The following SLC14A2 variants were observed in gnomAD, a reference collection of about 807,000 sequenced individuals.
The protein encoded by SLC14A2 is urea transporter 2.
In SLC14A2, 91 loss-of-function variants were observed where a neutral mutation model predicts 104.6. The observed-to-expected ratio is 0.87, with a 90% CI of 0.73 to 1.04. The LOEUF is 1.04. SLC14A2 is among the 50% of genes least tolerant of loss of function. The pLI, the probability that SLC14A2 is intolerant of heterozygous loss-of-function variation, is 0.00. For synonymous variants in SLC14A2, 476 were observed against 466.4 expected (o/e 1.02, Z -0.27); for missense variants, 1,189 against 1,156.0 (o/e 1.03, Z -0.41).
intron 1 of SLC14A2, among the ~76,000 whole-genome samples, chr18:45,243,569 G>A (rs551270289): frequency 1.4e-4 from 21 of 152,316 alleles, no homozygotes; most frequent in African/African-American, 4.3e-4. Context: ...ACAGAGATTA[G>A]CTGTTCCTTG....
intron 1 of SLC14A2, among the ~76,000 whole-genome samples, chr18:45,335,389 T>G (rs971952289): frequency 2.0e-5 from 3 of 152,248 alleles, no homozygotes; most frequent in Non-Finnish European, 2.9e-5. Flanking sequence ...AATTAGATGC[T>G]TTTTTGAGGA....
intron 1 of SLC14A2, among the ~76,000 whole-genome samples, chr18:45,459,097 T>C (rs1009359680): frequency 6.6e-6 from 1 of 152,152 alleles, no homozygotes; most frequent in African/African-American, 2.4e-5. Flanking sequence ...TGCTGAGTAG[T>C]TCCATAAGAG....
At chr18:45,416,715 T>A (rs1290807845) in intron 1 of SLC14A2, among the ~76,000 whole-genome samples, 2 of 152,222 alleles carry the variant, frequency 1.3e-5, no homozygotes, top group African/African-American at 4.8e-5. Flanking sequence ...AAAATGGGTA[T>A]TTAACTACCG....
At chr18:45,577,348 T>C (rs1262505409) in intron 2 of SLC14A2, among the ~76,000 whole-genome samples, 1 of 152,154 alleles carries the variant, frequency 6.6e-6, no homozygotes, top group Non-Finnish European at 1.5e-5. Flanking sequence ...ATGAGCTAGC[T>C]TCAAAGTCAT....
the SLC14A2 span, among the ~76,000 whole-genome samples, chr18:45,193,003 A>C: frequency 6.6e-6 from 1 of 152,016 alleles, no homozygotes; most frequent in East Asian, 1.9e-4. Flanking sequence ...TTCCCTAATG[A>C]TTATCTTGTC....
At chr18:45,261,994 CA>C (rs2084543822) in intron 1 of SLC14A2, among the ~76,000 whole-genome samples, 1 of 152,166 alleles carries the variant, frequency 6.6e-6, no homozygotes, top group African/African-American at 2.4e-5. Context: ...CTGACTTCCA[CA>C]ATGGTTGAAC....
the SLC14A2 span, among the ~76,000 whole-genome samples, chr18:45,198,059 G>C: frequency 6.6e-6 from 1 of 152,112 alleles, no homozygotes. Context: ...TATAATAAGA[G>C]AAAAAACATG....
chr18:45,298,170 C>A (rs1350362131), intron 1 of SLC14A2, among the ~76,000 whole-genome samples: 1 of 152,072 alleles, frequency 6.6e-6, no homozygotes, highest in Non-Finnish European at 1.5e-5. Context: ...AACACCATTC[C>A]CTATAAAATA....
chr18:45,552,486 G>A (rs1179686631), intron 2 of SLC14A2, among the ~76,000 whole-genome samples: 10 of 145,370 alleles, frequency 6.9e-5, no homozygotes, highest in African/African-American at 1.5e-4. Context: ...CACAAATACC[G>A]ACTTAGCCCA....
chr18:45,477,742 C>T (rs2087411493), intron 1 of SLC14A2, among the ~76,000 whole-genome samples: 1 of 152,076 alleles, frequency 6.6e-6, no homozygotes, highest in South Asian at 2.1e-4. Context: ...CTGCGGTGGG[C>T]TCCACTGAGT....
chr18:45,218,808 A>C (rs144881534), intron 1 of SLC14A2, among the ~76,000 whole-genome samples: 3 of 152,250 alleles, frequency 2.0e-5, no homozygotes, highest in African/African-American at 7.2e-5. Context: ...TGGAAGGTCA[A>C]ATCGATTTGT....
chr18:45,431,473 A>G (rs576558639), intron 1 of SLC14A2, among the ~76,000 whole-genome samples: 4 of 152,318 alleles, frequency 2.6e-5, no homozygotes, highest in Admixed American at 1.3e-4. Flanking sequence ...TTATTTTTTT[A>G]AAAAACTACT....
At chr18:45,200,487 T>C in the SLC14A2 span, among the ~76,000 whole-genome samples, 19 of 152,250 alleles carry the variant, frequency 1.2e-4, no homozygotes, top group Non-Finnish European at 2.5e-4. Flanking sequence ...TTTAAAGTTC[T>C]GCTGTGTGTA....
intron 1 of SLC14A2, among the ~76,000 whole-genome samples, chr18:45,431,347 GA>G (rs2086512328): frequency 6.6e-6 from 1 of 152,108 alleles, no homozygotes; most frequent in Non-Finnish European, 1.5e-5. Flanking sequence ...ATTAATGAAT[GA>G]ATCCTGGCCC....
chr18:45,664,570 G>A (rs1403450252), intron 11 of SLC14A2, among the ~76,000 whole-genome samples: 3 of 152,170 alleles, frequency 2.0e-5, no homozygotes, highest in African/African-American at 7.2e-5. Context: ...CCAGAGAGGG[G>A]GCAGCATTGC....
At chr18:45,411,958 C>A (rs1490298860) in intron 1 of SLC14A2, among the ~76,000 whole-genome samples, 1 of 152,194 alleles carries the variant, frequency 6.6e-6, no homozygotes, top group African/African-American at 2.4e-5. Context: ...TCCATGAACA[C>A]ATGCACTCCC....
intron 1 of SLC14A2, among the ~76,000 whole-genome samples, chr18:45,480,812 A>G (rs978154135): frequency 2.0e-5 from 3 of 152,116 alleles, no homozygotes; most frequent in African/African-American, 4.8e-5. Context: ...GTCAAAAGCA[A>G]TTTTTCTAAT....
intron 2 of SLC14A2, among the ~76,000 whole-genome samples, chr18:45,536,495 C>T (rs2043786079): frequency 6.6e-6 from 1 of 152,140 alleles, no homozygotes; most frequent in Admixed American, 6.5e-5. Context: ...GTGGATGCAT[C>T]ACTCTAACCT....
intron 1 of SLC14A2, among the ~76,000 whole-genome samples, chr18:45,312,250 T>C (rs2085086336): frequency 6.6e-6 from 1 of 152,328 alleles, no homozygotes; most frequent in Admixed American, 6.5e-5. Flanking sequence ...AAATGTTAGC[T>C]CTTATTATTT....
Sources: allele counts gnomAD v4.1 joint callset (sites outside exome capture counted in the v4.1 genomes callset), GRCh38; gene constraint gnomAD v4.1.1; transcripts MANE v1.5; gene names NCBI Gene and HGNC (gene_info 2026-07-23, HGNC 2026-07-21).